The following CCDC50 variants were observed in gnomAD, a reference collection of about 807,000 sequenced individuals.
CCDC50 encodes the protein coiled-coil domain-containing protein 50.
Under a neutral mutation model 70.2 loss-of-function variants are expected in CCDC50, and 54 were observed. That is an observed-to-expected ratio of 0.77 (90% confidence interval 0.62 to 0.96). The LOEUF (loss-of-function observed/expected upper bound fraction) is 0.96, where lower values mean the gene tolerates loss of function less well. Among genes scored for constraint, CCDC50 ranks in the 50% least tolerant of loss-of-function variants. The pLI is 0.00. For missense variants in CCDC50, 558 were observed against 578.7 expected, an observed-to-expected ratio of 0.96 and a Z score of 0.37; for synonymous variants, 216 against 198.8, an observed-to-expected ratio of 1.09 and a Z score of -0.73.
chr3:191,333,752 C>A (rs1718059839), intron 1 of CCDC50, among the ~76,000 whole-genome samples: 1 of 152,074 alleles, frequency 6.6e-6, no homozygotes, highest in Non-Finnish European at 1.5e-5. Flanking sequence ...TTGTCTCTGG[C>A]ATAATTATTT....
intron 1 of CCDC50, among the ~76,000 whole-genome samples, chr3:191,336,574 A>T (rs541144955): frequency 3.9e-5 from 6 of 152,154 alleles, no homozygotes; most frequent in African/African-American, 4.8e-5. Context: ...TTCTTACTAG[A>T]TACACAGTTT....
In CCDC50 at chr3:191,395,361, T is replaced by C. The variant is rs535241898; in HGVS notation, c.*3601T>C. 6.6e-6 allele frequency: 1 copy of C among 152,302 alleles called. No individual in the cohort carries two copies. Among genetic ancestry groups the C allele is most frequent in the South Asian group, 2.1e-4 (1 of 4,826 alleles). The allele number at this position is 152,302 out of a possible 1,614,324, so 9.4% of individuals were successfully genotyped here. A position where few individuals can be genotyped will look rare whatever the true frequency, so the allele number is the denominator to read the frequency against. The stretch of plus-strand genomic sequence containing the variant: ...GTTTCTGTCAAAACTTGTCTAAAAT[T>C]TGTGTTGTGCCAAATTGGAAATACC... On this transcript the variant is annotated 3_prime_UTR_variant, in exon 12 of 12. Coordinates refer to ENST00000392455, the MANE Select transcript of CCDC50 (RefSeq NM_178335.3).
At chr3:191,374,304 T>C (rs997490126) in intron 5 of CCDC50, among the ~76,000 whole-genome samples, 5 of 152,198 alleles carry the variant, frequency 3.3e-5, no homozygotes, top group Non-Finnish European at 7.4e-5. Context: ...TATCATACAG[T>C]TTTTTGAAAT....
chr3:191,370,062 T>G (rs753370641), intron 5 of CCDC50, 26 bp downstream of exon 5: 8 of 1,462,692 alleles, frequency 5.5e-6, no homozygotes, highest in Non-Finnish European at 5.8e-6. Context: ...TCATGATCTA[T>G]TCTATCCTTA....
chr3:191,380,087 C>T (rs1288801977), intron 6 of CCDC50, 72 bp from the exon 7 acceptor site: 2 of 939,798 alleles, frequency 2.1e-6, no homozygotes, highest in Non-Finnish European at 1.7e-6. Flanking sequence ...TCTCCTTTAT[C>T]TTAAATTTCT....
At chr3:191,381,031 A>T in intron 9 of CCDC50, 99 bp downstream of exon 9, 1 of 875,036 alleles carries the variant, frequency 1.1e-6, no homozygotes, top group Non-Finnish European at 1.8e-6. Context: ...TTTAGGATAT[A>T]TGAATATATA....
intron 2 of CCDC50, 119 bp from the exon 3 acceptor site, chr3:191,357,879 A>G: frequency 1.6e-6 from 2 of 1,254,962 alleles, no homozygotes; most frequent in Non-Finnish European, 2.3e-6. Context: ...TGTTGAGACA[A>G]TAAAATGAAG....
In CCDC50 at chr3:191,361,193, A is replaced by C. The variant is rs745819938; in HGVS notation, c.330+34A>C. The C allele has an allele frequency of 2.0e-6, 3 of 1,489,028 alleles. No homozygotes were observed. The Admixed American group carries it at 5.0e-5, about 25-fold the overall frequency. The allele number at this position is 1,489,028 out of a possible 1,614,324, so 92.2% of individuals were successfully genotyped here. A position where few individuals can be genotyped will look rare whatever the true frequency, so the allele number is the denominator to read the frequency against. On this transcript the variant is annotated intron_variant, in intron 4 of 11. Coordinates refer to ENST00000392455, the MANE Select transcript of CCDC50 (RefSeq NM_178335.3). ...TAGTTACTGCCCCTCTCCCTCATGGAGAAAGGGGTGCTCAGCTTTAGAGCA... is the reference window on the plus strand; with the variant it reads ...TAGTTACTGCCCCTCTCCCTCATGGCGAAAGGGGTGCTCAGCTTTAGAGCA...
At chr3:191,371,224 G>C in intron 5 of CCDC50, among the ~76,000 whole-genome samples, 1 of 151,942 alleles carries the variant, frequency 6.6e-6, no homozygotes, top group African/African-American at 2.4e-5. Context: ...CCTCAGTTTC[G>C]CTTCTCTGGT....
At chr3:191,330,225 G>A (rs1473906386) in intron 1 of CCDC50, among the ~76,000 whole-genome samples, 1 of 151,842 alleles carries the variant, frequency 6.6e-6, no homozygotes, top group South Asian at 2.1e-4. Flanking sequence ...CCTTCCTCAA[G>A]GTTTAAAAGT....
intron 10 of CCDC50, 134 bp downstream of exon 10, chr3:191,382,959 C>T: frequency 3.0e-6 from 2 of 660,926 alleles, no homozygotes; most frequent in Non-Finnish European, 5.5e-6. Flanking sequence ...AGTGTCAAGA[C>T]ATTCAGGGTT....
At chr3:191,333,367 G>A (rs1718050070) in intron 1 of CCDC50, among the ~76,000 whole-genome samples, 1 of 152,132 alleles carries the variant, frequency 6.6e-6, no homozygotes, top group Non-Finnish European at 1.5e-5. Context: ...CTTCAAGGGG[G>A]AAAGATATAA....
In CCDC50 at chr3:191,389,502, A is replaced by G. The variant is rs1473011056; in HGVS notation, c.1329A>G (p.Pro443=). Residue 443 remains proline (P), a synonymous_variant, in exon 11 of 12, where the codon CCA becomes CCG. Transcript: ENST00000392455. ...HSKNERPARP[P]PPIMTDGEDA... is the part of the protein sequence containing the mutation. ...AATTCTGGATTCCTTTTAGGCCACC[A>G]CCACCTATCATGACAGATGGTGAAG... 5 of 1,613,762 alleles carry G rather than the reference A, an allele frequency of 3.1e-6. No individual in the cohort carries two copies. The highest frequency in any genetic ancestry group is 1.3e-5 in the African/African-American group (1 of 74,916).
chr3:191,370,401 T>G, intron 5 of CCDC50: 1 of 279,788 alleles, frequency 3.6e-6, no homozygotes, highest in Admixed American at 5.0e-5. Context: ...TGTGTGATGT[T>G]TGCCTTCCTG....
intron 6 of CCDC50, 32 bp downstream of exon 6, chr3:191,375,621 G>A (rs373683606): frequency 6.2e-7 from 1 of 1,602,644 alleles, no homozygotes; most frequent in Non-Finnish European, 8.5e-7. Flanking sequence ...GGAAGTCCTG[G>A]TATCATGTAT....
chr3:191,380,237 C>T lies in CCDC50; in HGVS notation c.1055C>T (p.Ala352Val). ...MAHRDQEWYD[A>V]EIARKLQEEE... ...CACAGGGATCAGGAATGGTATGATG[C>T]TGAAATTGCCAGAAAACTGCAAGAA... The change falls in exon 7 of 12, where the codon GCT (alanine) becomes GTT (valine). Residue 352 changes from alanine to valine, a missense_variant. By Grantham distance (64) the Ala-to-Val change is moderately conservative (BLOSUM62 0). Transcript: ENST00000392455. The T allele has an allele frequency of 1.2e-6, 2 of 1,612,252 alleles. No homozygotes were observed. The highest frequency in any genetic ancestry group is 2.2e-5 in the East Asian group (1 of 44,812).
In CCDC50 at chr3:191,370,095, T is replaced by C. The variant is rs1712847044; in HGVS notation, c.448+59T>C. On this transcript the variant is annotated intron_variant, in intron 5 of 11. Coordinates refer to ENST00000392455, the MANE Select transcript of CCDC50 (RefSeq NM_178335.3). ...TTAGACTCAACCATAAAACACTCCT[T>C]TAATTTTGTTCATAAAGTGACCTTA... is the stretch of plus-strand genomic sequence containing the variant. The C allele has an allele frequency of 2.4e-6, 3 of 1,230,614 alleles. No individual in the cohort carries two copies. In the South Asian group the frequency reaches 3.6e-5, roughly 15 times the overall value. The allele number at this position is 1,230,614 out of a possible 1,614,324, so 76.2% of individuals were successfully genotyped here.
chr3:191,357,056 C>G, intron 1 of CCDC50, 32 bp from the exon 2 acceptor site: 1 of 1,430,924 alleles, frequency 7.0e-7, no homozygotes, highest in Non-Finnish European at 9.8e-7. Flanking sequence ...ACTAATGAGC[C>G]TTCCTGTCTG....
chr3:191,390,395 C>G (rs938568790), intron 11 of CCDC50, among the ~76,000 whole-genome samples: 1 of 6,542 alleles, frequency 1.5e-4, no homozygotes, highest in Non-Finnish European at 5.1e-4. Flanking sequence ...CCGATTCAGA[C>G]TCCAAGAAGA....
Sources: gnomAD v4.1 joint callset for allele counts (sites outside exome capture counted in the v4.1 genomes callset) on GRCh38, gnomAD v4.1.1 for gene constraint, MANE v1.5 for transcripts, NCBI Gene and HGNC (gene_info 2026-07-23, HGNC 2026-07-21) for gene names.